Variants in CAMK4 observed in about 807,000 individuals in gnomAD.
CAMK4 encodes calcium/calmodulin dependent protein kinase IV, also known as calcium/calmodulin-dependent protein kinase type IV.
CAMK4 carries 22 observed loss-of-function variants against 44.9 expected under a neutral mutation model. The ratio of observed to expected loss-of-function variants is 0.49; its 90% CI spans 0.35 to 0.70. The LOEUF (loss-of-function observed/expected upper bound fraction) is 0.70. CAMK4 is among the 30% of genes least tolerant of loss of function. The pLI, the probability that CAMK4 is intolerant of heterozygous loss-of-function variation, is 0.01. For missense variants in CAMK4, 498 were observed against 586.8 expected (o/e 0.85, Z 1.56); for synonymous variants, 218 against 215.4 (o/e 1.01, Z -0.11).
intron 1 of CAMK4, among the ~76,000 whole-genome samples, chr5:111,270,617 C>G (rs967646148): frequency 6.6e-6 from 1 of 152,300 alleles, no homozygotes. Context: ...CAGCTTACCC[C>G]TATTCCCTTC....
At chr5:111,455,496 AAAAG>A (rs1754384204) in intron 7 of CAMK4, among the ~76,000 whole-genome samples, 1 of 152,230 alleles carries the variant, frequency 6.6e-6, no homozygotes, top group Admixed American at 6.5e-5. Flanking sequence ...AATGACAGGT[AAAAG>A]AGAGAGTCCC....
At chr5:111,388,461 T>C (rs1312174864) in intron 4 of CAMK4, among the ~76,000 whole-genome samples, 2 of 152,134 alleles carry the variant, frequency 1.3e-5, no homozygotes, top group Non-Finnish European at 2.9e-5. Flanking sequence ...ACTTTCTTCT[T>C]CCATACCTAT....
chr5:111,473,151 A>G (rs25917), intron 7 of CAMK4, among the ~76,000 whole-genome samples, 160 bp from the exon 8 acceptor site: 16,481 of 152,286 alleles, frequency 0.11, 1,152 homozygotes, highest in Non-Finnish European at 0.14. Context: ...TAAAATAGAC[A>G]TAAGTATTTA....
chr5:111,398,730 C>G (rs570053925), intron 5 of CAMK4, among the ~76,000 whole-genome samples: 1 of 152,292 alleles, frequency 6.6e-6, no homozygotes, highest in South Asian at 2.1e-4. Flanking sequence ...TTCTCTCATT[C>G]ACTGATACCA....
intron 4 of CAMK4, among the ~76,000 whole-genome samples, chr5:111,387,662 T>A (rs306109): frequency 0.92 from 139,649 of 152,234 alleles, 64,172 homozygotes; most frequent in East Asian, 1. Flanking sequence ...CCAAATGTCC[T>A]CAATCTGAAA....
chr5:111,325,009 C>T (rs1402135099), intron 1 of CAMK4, among the ~76,000 whole-genome samples: 1 of 151,736 alleles, frequency 6.6e-6, no homozygotes, highest in Non-Finnish European at 1.5e-5. Context: ...TTCCCCCAAC[C>T]CCCCAACAGG....
chr5:111,374,243 C>G (rs1220756080), intron 2 of CAMK4, among the ~76,000 whole-genome samples: 1 of 152,122 alleles, frequency 6.6e-6, no homozygotes, highest in Non-Finnish European at 1.5e-5. Context: ...TCTCCATATG[C>G]TATCAAAACT....
At chr5:111,380,610 C>A (rs1048935989) in intron 4 of CAMK4, among the ~76,000 whole-genome samples, 2 of 152,074 alleles carry the variant, frequency 1.3e-5, no homozygotes, top group Non-Finnish European at 2.9e-5. Flanking sequence ...TGAGAACATG[C>A]GGTATTTGGT....
chr5:111,401,777 C>A (rs1048846436), intron 5 of CAMK4, among the ~76,000 whole-genome samples: 1 of 152,136 alleles, frequency 6.6e-6, no homozygotes, highest in African/African-American at 2.4e-5. Context: ...GAAACAGCTA[C>A]CCCTAGGACT....
At chr5:111,480,686 T>C (rs1755405657) in intron 9 of CAMK4, among the ~76,000 whole-genome samples, 1 of 152,144 alleles carries the variant, frequency 6.6e-6, no homozygotes, top group Non-Finnish European at 1.5e-5. Flanking sequence ...CTTGCTATGC[T>C]TTAGTTTTCT....
At chr5:111,384,490 G>A (rs1344003366) in intron 4 of CAMK4, among the ~76,000 whole-genome samples, 2 of 152,108 alleles carry the variant, frequency 1.3e-5, no homozygotes, top group Non-Finnish European at 2.9e-5. Context: ...TATCAGCTAA[G>A]ATGAAAACTG....
intron 1 of CAMK4, among the ~76,000 whole-genome samples, chr5:111,314,738 C>T (rs930091869): frequency 2.0e-5 from 3 of 151,898 alleles, no homozygotes; most frequent in Non-Finnish European, 4.4e-5. Context: ...CTTGTTAATA[C>T]GTTGAAAATA....
chr5:111,347,949 A>G (rs1040160099), intron 2 of CAMK4, among the ~76,000 whole-genome samples: 13 of 152,056 alleles, frequency 8.5e-5, no homozygotes, highest in African/African-American at 2.9e-4. Context: ...AAGAAAGTTA[A>G]TAAGGAAACC....
intron 1 of CAMK4, among the ~76,000 whole-genome samples, chr5:111,243,380 A>G (rs542285963): frequency 6.6e-6 from 1 of 152,338 alleles, no homozygotes; most frequent in Admixed American, 6.5e-5. Flanking sequence ...GTAATCAGAC[A>G]TTGAGAGTAG....
At chr5:111,386,545 G>A (rs1447510937) in intron 4 of CAMK4, among the ~76,000 whole-genome samples, 3 of 152,198 alleles carry the variant, frequency 2.0e-5, no homozygotes, top group African/African-American at 4.8e-5. Context: ...TAACTGCCTG[G>A]ATGGAGATGA....
intron 5 of CAMK4, among the ~76,000 whole-genome samples, chr5:111,404,804 G>A (rs1426324233): frequency 1.3e-5 from 2 of 152,180 alleles, no homozygotes; most frequent in Admixed American, 6.5e-5. Context: ...AAGGAGGTTC[G>A]TTTAGTTGGT....
chr5:111,450,963 G>C (rs1754211014), intron 7 of CAMK4, among the ~76,000 whole-genome samples: 1 of 152,068 alleles, frequency 6.6e-6, no homozygotes, highest in Non-Finnish European at 1.5e-5. Flanking sequence ...CCCAGAAATA[G>C]ACAAAGAAGT....
chr5:111,440,026 G>A (rs866524552), intron 5 of CAMK4, among the ~76,000 whole-genome samples: 5 of 152,222 alleles, frequency 3.3e-5, no homozygotes, highest in African/African-American at 1.2e-4. Context: ...TGGCTGACTA[G>A]AATAGGAAAT....
At chr5:111,293,184 G>C (rs1747343961) in intron 1 of CAMK4, among the ~76,000 whole-genome samples, 1 of 152,068 alleles carries the variant, frequency 6.6e-6, no homozygotes, top group African/African-American at 2.4e-5. Flanking sequence ...ATTATTCCCT[G>C]CTACAAACAC....
Sources: allele counts gnomAD v4.1 joint callset (sites outside exome capture counted in the v4.1 genomes callset), GRCh38; gene constraint gnomAD v4.1.1; transcripts MANE v1.5; gene names NCBI Gene and HGNC (gene_info 2026-07-23, HGNC 2026-07-21).